ACLY: variants seen among roughly 807,000 people sequenced by gnomAD.
The protein encoded by ACLY is ATP-citrate synthase.
ACLY carries 41 observed loss-of-function variants against 133.0 expected under a neutral mutation model. That is an observed-to-expected ratio of 0.31 (90% CI 0.24 to 0.40). ACLY has a LOEUF of 0.40. Among genes scored for constraint, ACLY ranks in the 10% least tolerant of loss-of-function variants. The pLI is 1.00. For synonymous variants in ACLY, 495 were observed against 549.3 expected (o/e 0.90, Z 1.38); for missense variants, 1,046 against 1,453.8 (o/e 0.72, Z 4.56).
At chr17:41,869,441 C>T (rs374368056) in intron 26 of ACLY, 33 bp downstream of exon 26, 11 of 1,554,016 alleles carry the variant, frequency 7.1e-6, no homozygotes, top group East Asian at 4.5e-5. Context: ...ACTTGTCCAA[C>T]GTGAGGGAAT....
chr17:41,902,176 T>C (rs782553502), intron 10 of ACLY, among the ~76,000 whole-genome samples: 2 of 152,200 alleles, frequency 1.3e-5, no homozygotes, highest in Non-Finnish European at 2.9e-5. Flanking sequence ...TACTAAGACA[T>C]AGTCAATGTC....
chr17:41,910,314 A>AC (rs2049862748), intron 3 of ACLY, 30 bp from the exon 4 acceptor site: 1 of 1,603,736 alleles, frequency 6.2e-7, no homozygotes, highest in Admixed American at 1.7e-5. Context: ...GATGAAACTC[A>AC]GAGGGACAGC....
chr17:41,879,988 C>T (rs903027138), intron 20 of ACLY, among the ~76,000 whole-genome samples: 6 of 152,090 alleles, frequency 3.9e-5, no homozygotes, highest in Admixed American at 6.6e-5. Context: ...CCTCAGCCTC[C>T]CAAGCTGCTG....
intron 18 of ACLY, 95 bp downstream of exon 18, chr17:41,886,017 C>A: frequency 7.8e-7 from 1 of 1,282,148 alleles, no homozygotes; most frequent in South Asian, 1.3e-5. Context: ...GGGCCTGGAA[C>A]TCAGGGGCAG....
chr17:41,918,887 G>A lies in ACLY; in HGVS notation c.-31C>T. The A allele has an allele frequency of 1.6e-6, 2 of 1,288,502 alleles. No homozygotes were observed. The highest frequency in any genetic ancestry group is 2.0e-6 in the Non-Finnish European group (2 of 988,416). The allele number at this position is 1,288,502 out of a possible 1,614,324, so 79.8% of individuals were successfully genotyped here. A position where few individuals can be genotyped will look rare whatever the true frequency, so the allele number is the denominator to read the frequency against. Reference sequence around the variant, plus strand: ...ACAGCCTCCCGTGCTCACCTCTGCCGAAGTCCGTGCGCGGCGCTTCTTCCA... The same window carrying A: ...ACAGCCTCCCGTGCTCACCTCTGCCAAAGTCCGTGCGCGGCGCTTCTTCCA... On this transcript the variant is annotated 5_prime_UTR_variant, in exon 1 of 29. Coordinates refer to ENST00000352035, the MANE Select transcript of ACLY (RefSeq NM_001096.3).
chr17:41,872,393 T>C (rs1211606903), intron 23 of ACLY, among the ~76,000 whole-genome samples: 1 of 152,198 alleles, frequency 6.6e-6, no homozygotes, highest in Admixed American at 6.5e-5. Flanking sequence ...TAGTGTGATC[T>C]TGGCTCACTG....
intron 10 of ACLY, among the ~76,000 whole-genome samples, chr17:41,903,726 A>G (rs769736313): frequency 3.2e-4 from 44 of 139,170 alleles, no homozygotes; most frequent in Non-Finnish European, 5.8e-4. Flanking sequence ...ACTGCACGCC[A>G]GCCTGGGCAA....
chr17:41,904,804 A>G lies in ACLY; in HGVS notation c.1004-14T>C. 2 of 1,612,538 alleles carry G rather than the reference A, an allele frequency of 1.2e-6. No individual in the cohort carries two copies. The highest frequency in any genetic ancestry group is 1.7e-6 in the Non-Finnish European group (2 of 1,178,580). ...TGAGGATCTTGCCTGGATTTGGAGTAAGAGAGAATCAAAAACAGTTACATA... is the reference window on the plus strand; with the variant it reads ...TGAGGATCTTGCCTGGATTTGGAGTGAGAGAGAATCAAAAACAGTTACATA... On this transcript the variant is annotated splice_polypyrimidine_tract_variant and intron_variant, in intron 9 of 28. Transcript: ENST00000352035.
chr17:41,910,676 C>T (rs782388520), intron 3 of ACLY, among the ~76,000 whole-genome samples: 9 of 152,220 alleles, frequency 5.9e-5, no homozygotes, highest in Admixed American at 1.3e-4. Context: ...AGTGACTCAG[C>T]CTCAGGACAT....
In ACLY at chr17:41,871,798, G is replaced by A; in HGVS notation, c.2828C>T (p.Ala943Val). The A allele has an allele frequency of 6.2e-7, 1 of 1,614,046 alleles. No individual in the cohort carries two copies. Among genetic ancestry groups the A allele is most frequent in the Non-Finnish European group, 8.5e-7 (1 of 1,180,024 alleles). ...GTCAAAGGCTTTACTGAACATCTTG[G>A]CTGCTGCATCCAAGGCACCCCCAAA... ...DRFGGALDAA[A>V]KMFSKAFDSG... The change falls in exon 25 of 29, where the codon GCC becomes GTC. Residue 943 changes from alanine (A) to valine (V), a missense_variant. Coordinates refer to ENST00000352035, the MANE Select transcript of ACLY (RefSeq NM_001096.3).
At chr17:41,930,498 C>A (rs1555636498) in exon 1 of ACLY, 3 of 494,690 alleles carry the variant, frequency 6.1e-6, no homozygotes, top group Non-Finnish European at 1.1e-5. Flanking sequence ...ACCAGCCCAG[C>A]CGTCAGCCAC....
At chr17:41,874,064 C>T (rs2048667283) in intron 22 of ACLY, 99 bp from the exon 23 acceptor site, 1 of 1,263,824 alleles carries the variant, frequency 7.9e-7, no homozygotes, top group Non-Finnish European at 1.0e-6. Flanking sequence ...CAAAGCACCC[C>T]AGGAATGTCG....
chr17:41,883,808 C>T (rs1396383589), intron 19 of ACLY, among the ~76,000 whole-genome samples: 2 of 152,062 alleles, frequency 1.3e-5, no homozygotes, highest in African/African-American at 4.8e-5. Flanking sequence ...TGGTCTAGAA[C>T]TCCTGATCTC....
intron 16 of ACLY, among the ~76,000 whole-genome samples, chr17:41,888,589 A>C (rs1318355858): frequency 6.6e-6 from 1 of 152,224 alleles, no homozygotes; most frequent in Admixed American, 6.5e-5. Context: ...TAAAGGGTCA[A>C]GATAGTATTG....
rs782250367 is a variant in ACLY, at chr17:41,912,505, C to T, written c.197G>A (p.Arg66His). 12 of 1,614,212 alleles carry T rather than the reference C, an allele frequency of 7.4e-6. No individual in the cohort carries two copies. The highest frequency in any genetic ancestry group is 1.0e-5 in the Non-Finnish European group (12 of 1,180,038). ...GACCCCAACGAGACCAAGTTTTCCA[C>T]GACGTTTGATCAGCTGGTCTGGCTT... ...VVKPDQLIKR[R>H]GKLGLVGVNL... is the part of the protein sequence containing the mutation. The change falls in exon 3 of 29, where the codon CGT becomes CAT. Residue 66 changes from arginine to histidine, a missense_variant. Transcript: ENST00000352035.
In ACLY at chr17:41,871,849, T is replaced by C; in HGVS notation, c.2794-17A>G. The C allele has an allele frequency of 6.2e-7, 1 of 1,613,350 alleles. No homozygotes were observed. Among genetic ancestry groups the C allele is most frequent in the Non-Finnish European group, 8.5e-7 (1 of 1,179,958 alleles). On this transcript the variant is annotated splice_polypyrimidine_tract_variant and intron_variant, in intron 24 of 28. Transcript: ENST00000352035. ...CCGATCCCCCTGGAGGAGAAACAAG[T>C]GCGTGTTGCCTTGAGCTTTAAGAGT... is the stretch of plus-strand genomic sequence containing the variant.
Position 41,918,012 on chromosome 17 carries a change from C to T in ACLY, c.-24+868G>A, listed in dbSNP as rs75264820. Among the ~76,000 whole-genome samples, 8 of 152,330 alleles carry T rather than the reference C, an allele frequency of 5.3e-5. No homozygotes were observed. The East Asian group carries it at 1.5e-3, about 29-fold the overall frequency. On this transcript the variant is annotated intron_variant, in intron 1 of 28. Transcript: ENST00000352035. ...TATCGTCTCTTCCAAAATCCTCTTC[C>T]CAGGAAGACCTCCAGGGACCCCATA... is the stretch of plus-strand genomic sequence containing the variant.
Position 41,878,138 on chromosome 17 carries a change from G to A in ACLY, c.2452C>T (p.Pro818Ser), listed in dbSNP as rs2048810614. The A allele has an allele frequency of 1.3e-6, 2 of 1,592,482 alleles. No individual in the cohort carries two copies. Among genetic ancestry groups the A allele is most frequent in the African/African-American group, 1.4e-5 (1 of 73,296 alleles). Residue 818 changes from proline to serine, a missense_variant, in exon 22 of 29, where the codon CCC (proline) becomes TCC (serine). Pro to Ser is a moderately conservative substitution (Grantham distance 74, BLOSUM62 -1). This residue lies in a region of ACLY where 39 missense variants were observed against 30.8 expected (regional missense o/e 1.27). Transcript: ENST00000352035. The part of the protein sequence containing the change: ...GVIVPAQEVP[P>S]PTVPMDYSWA... ...GAGTAGTCCATGGGCACGGTTGGGG[G>A]CGGCACCTCCTGGGCAGGTACAATG...
chr17:41,878,156 G>A lies in ACLY; in HGVS notation c.2434C>T (p.Pro812Ser). Residue 812 changes from proline to serine, a missense_variant, in exon 22 of 29, where the codon CCT becomes TCT. This residue lies in a region of ACLY where 39 missense variants were observed against 30.8 expected (regional missense o/e 1.27). Transcript: ENST00000352035. ...GTTGGGGGCGGCACCTCCTGGGCAGGTACAATGACTCCATTGGCCACGAGA... is the reference window on the plus strand; with the variant it reads ...GTTGGGGGCGGCACCTCCTGGGCAGATACAATGACTCCATTGGCCACGAGA... Reference protein sequence around the residue: ...EDLVANGVIVPAQEVPPPTVP... With the variant: ...EDLVANGVIVSAQEVPPPTVP... 6.3e-7 allele frequency: 1 copy of A among 1,596,402 alleles called. No individual in the cohort carries two copies. Among genetic ancestry groups the A allele is most frequent in the Non-Finnish European group, 8.5e-7 (1 of 1,171,630 alleles).
Sources: gnomAD v4.1 joint callset for allele counts (sites outside exome capture counted in the v4.1 genomes callset) on GRCh38, gnomAD v4.1.1 for gene constraint, gnomAD v4.1.1 regional missense constraint, MANE v1.5 for transcripts, NCBI Gene and HGNC (gene_info 2026-07-23, HGNC 2026-07-21) for gene names.